The following GOLGA4 variants were observed in gnomAD, a reference collection of about 807,000 sequenced individuals.
GOLGA4 encodes golgin A4.
A neutral mutation model predicts 265.9 loss-of-function variants in GOLGA4; 169 were observed. The ratio of observed to expected loss-of-function variants is 0.64; its 90% CI spans 0.56 to 0.72. GOLGA4 has a LOEUF of 0.72. GOLGA4 is among the 30% of genes least tolerant of loss of function. The pLI is 0.00. For synonymous variants in GOLGA4, 923 were observed against 855.8 expected (o/e 1.08, Z -1.37); for missense variants, 2,482 against 2,483.4 (o/e 1.00, Z 0.01).
At chr3:37,276,294 C>T (rs2096818285) in intron 2 of GOLGA4, 1 of 1,593,074 alleles carries the variant, frequency 6.3e-7, no homozygotes, top group Admixed American at 1.7e-5. Flanking sequence ...CTTAAAGATG[C>T]AAAAAATCCA....
chr3:37,276,086 C>T lies in GOLGA4; in HGVS notation c.163-5872C>T, dbSNP rs1020116464. The T allele has an allele frequency of 2.1e-4, 346 of 1,612,060 alleles. 2 individuals are homozygous for T. In the Middle Eastern group the frequency reaches 2.3e-3, roughly 11 times the overall value. Reference sequence around the variant, plus strand: ...AGATACTTATGTTTCATCCTTTCCTCGGGCACCAAGCACTTCTGATTCTGT... The same window carrying T: ...AGATACTTATGTTTCATCCTTTCCTTGGGCACCAAGCACTTCTGATTCTGT... On this transcript the variant is annotated intron_variant, in intron 2 of 23. Coordinates refer to ENST00000361924, the MANE Select transcript of GOLGA4 (RefSeq NM_002078.5).
intron 21 of GOLGA4, among the ~76,000 whole-genome samples, chr3:37,354,253 A>T (rs922741690): frequency 1.3e-5 from 2 of 152,008 alleles, no homozygotes; most frequent in African/African-American, 2.4e-5. Flanking sequence ...TGATCAAGGA[A>T]TGTTAGAGTC....
chr3:37,339,642 T>A (rs2097026285), intron 19 of GOLGA4, among the ~76,000 whole-genome samples: 1 of 152,258 alleles, frequency 6.6e-6, no homozygotes, highest in Admixed American at 6.5e-5. Flanking sequence ...ACTAGTGATG[T>A]GAAACATCTT....
chr3:37,243,693 G>A (rs1038633361), intron 1 of GOLGA4, 71 bp downstream of exon 1: 17 of 1,276,118 alleles, frequency 1.3e-5, no homozygotes, highest in South Asian at 3.6e-5. Flanking sequence ...GAAAGAGGCG[G>A]GGGGAGTGGG....
chr3:37,278,819 T>TC (rs1299654570), intron 2 of GOLGA4, among the ~76,000 whole-genome samples: 2 of 151,246 alleles, frequency 1.3e-5, no homozygotes, highest in East Asian at 1.9e-4. Context: ...TTTACTTTTT[T>TC]TTTTTTTTTT....
At chr3:37,276,048 A>C in intron 2 of GOLGA4, 1 of 1,612,752 alleles carries the variant, frequency 6.2e-7, no homozygotes, top group South Asian at 1.1e-5. Flanking sequence ...AGAAAGGATG[A>C]GACAAATGCT....
intron 1 of GOLGA4, 24 bp downstream of exon 1, chr3:37,243,646 C>A: frequency 1.9e-6 from 3 of 1,599,312 alleles, no homozygotes; most frequent in Non-Finnish European, 2.6e-6. Flanking sequence ...CGCTCTCCTC[C>A]CCTGGTTCCG....
chr3:37,319,770 A>G (rs1172723975), intron 12 of GOLGA4: 1 of 152,182 alleles, frequency 6.6e-6, no homozygotes, highest in Non-Finnish European at 1.5e-5. Context: ...TTCAATATTT[A>G]TATTTCTCTT....
chr3:37,266,490 G>A (rs967704221), intron 2 of GOLGA4, among the ~76,000 whole-genome samples: 3 of 152,114 alleles, frequency 2.0e-5, no homozygotes, highest in Admixed American at 6.6e-5. Flanking sequence ...GAGCCACTGC[G>A]CCCGGCCCAT....
chr3:37,316,945 A>G (rs1457303150), intron 11 of GOLGA4, among the ~76,000 whole-genome samples: 1 of 152,084 alleles, frequency 6.6e-6, no homozygotes, highest in Admixed American at 6.5e-5. Context: ...AACACAAAAG[A>G]CAGCATGTTA....
In GOLGA4 at chr3:37,258,919, T is replaced by G. The variant is rs1057472012; in HGVS notation, c.162+7435T>G. ...TTGTTGAGGATTTTTGTGTCTATAT[T>G]CATAAGAGATGCTGGTCTGCAGTTT... On this transcript the variant is annotated intron_variant, in intron 2 of 23. Coordinates refer to ENST00000361924, the MANE Select transcript of GOLGA4 (RefSeq NM_002078.5). 2.3e-4 allele frequency among the ~76,000 whole-genome samples: 35 copies of G among 152,138 alleles called. 1 individual carries two copies. The highest frequency in any genetic ancestry group is 2.3e-3 in the Admixed American group (35 of 15,258).
intron 2 of GOLGA4, among the ~76,000 whole-genome samples, chr3:37,274,403 G>A (rs1217315228): frequency 6.6e-6 from 1 of 152,060 alleles, no homozygotes; most frequent in African/African-American, 2.4e-5. Context: ...AAATCATTAT[G>A]ATAGCAGGCT....
chr3:37,364,999 G>C (rs370050881), intron 23 of GOLGA4, among the ~76,000 whole-genome samples: 1 of 152,026 alleles, frequency 6.6e-6, no homozygotes, highest in Middle Eastern at 3.4e-3. Context: ...AGGCTCAAGC[G>C]ATCCTCCTGC....
chr3:37,259,663 A>T (rs2096763976), intron 2 of GOLGA4, among the ~76,000 whole-genome samples: 1 of 152,132 alleles, frequency 6.6e-6, no homozygotes, highest in Admixed American at 6.5e-5. Flanking sequence ...TATTCTCATA[A>T]TTGGAGTGGA....
intron 4 of GOLGA4, among the ~76,000 whole-genome samples, 179 bp downstream of exon 4, chr3:37,286,240 G>A (rs371915301): frequency 0.011 from 1,417 of 130,750 alleles, 34 homozygotes; most frequent in African/African-American, 0.037. Context: ...TGCAAGCTCC[G>A]CCTCCCGGGT....
chr3:37,343,973 T>C (rs973788980), intron 20 of GOLGA4, among the ~76,000 whole-genome samples: 4 of 152,254 alleles, frequency 2.6e-5, no homozygotes, highest in Admixed American at 1.3e-4. Flanking sequence ...TTAGTAAAAT[T>C]CCACCATTTC....
Position 37,327,602 on chromosome 3 carries a change from GA to G in GOLGA4, c.5720del (p.Lys1907SerfsTer26). 1.9e-6 allele frequency: 3 copies of G among 1,613,680 alleles called. No homozygotes were observed. Among genetic ancestry groups the G allele is most frequent in the Non-Finnish European group, 2.5e-6 (3 of 1,179,758 alleles). ...PTELLEENTE[E>X]KSKSHLVQPK... Reference sequence around the variant, plus strand: ...AGAACTTTTGGAAGAAAACACTGAAGAAAAGTCCAAATCACATTTGGTCCAA... The same window carrying G: ...AGAACTTTTGGAAGAAAACACTGAAGAAAGTCCAAATCACATTTGGTCCAA... On this transcript the variant is annotated frameshift_variant, in exon 14 of 24. Coordinates refer to ENST00000361924, the MANE Select transcript of GOLGA4 (RefSeq NM_002078.5). LOFTEE classifies it high-confidence loss of function.
chr3:37,327,054 A>C lies in GOLGA4; in HGVS notation c.5168A>C (p.Glu1723Ala), dbSNP rs780698824. 15 of 1,613,840 alleles carry C rather than the reference A, an allele frequency of 9.3e-6. No individual in the cohort carries two copies. The highest frequency in any genetic ancestry group is 3.3e-4 in the Middle Eastern group (2 of 6,084). The change falls in exon 14 of 24, where the codon GAA (glutamate) becomes GCA (alanine). Residue 1723 changes from glutamate (E) to alanine (A), a missense_variant. This residue lies in a region of GOLGA4 where 942 missense variants were observed against 983.1 expected (regional missense o/e 0.96). Transcript: ENST00000361924. ...GTGGCAGCATATACTGAACAAGAAGAAGCAGATTCCCAAGGCTGTGTGCAG... is the reference window on the plus strand; with the variant it reads ...GTGGCAGCATATACTGAACAAGAAGCAGCAGATTCCCAAGGCTGTGTGCAG... ...KNVAAYTEQE[E>A]ADSQGCVQKT...
chr3:37,251,330 T>C, intron 1 of GOLGA4, 65 bp from the exon 2 acceptor site: 1 of 955,910 alleles, frequency 1.0e-6, no homozygotes, highest in Non-Finnish European at 1.7e-6. Context: ...AGAGAAGGAC[T>C]ACCTAGTTCA....
Sources: allele counts gnomAD v4.1 joint callset (sites outside exome capture counted in the v4.1 genomes callset), GRCh38; gene constraint gnomAD v4.1.1; regional missense constraint gnomAD v4.1.1; transcripts MANE v1.5; gene names NCBI Gene and HGNC (gene_info 2026-07-23, HGNC 2026-07-21).